Variants in ABR observed in about 807,000 individuals in gnomAD.
The protein encoded by ABR is active breakpoint cluster region-related protein.
ABR carries 35 observed loss-of-function variants against 107.2 expected under a neutral mutation model. The observed-to-expected ratio is 0.33, with a 90% confidence interval of 0.25 to 0.43. The LOEUF is 0.43. ABR is among the 20% of genes least tolerant of loss of function. The pLI is 1.00. For missense variants in ABR, 815 were observed against 1,115.2 expected, an observed-to-expected ratio of 0.73 and a Z score of 3.83; for synonymous variants, 498 against 462.0, an observed-to-expected ratio of 1.08 and a Z score of -1.00.
chr17:1,180,464 C>T (rs1282042408), upstream of ABR, among the ~76,000 whole-genome samples: 2 of 152,154 alleles, frequency 1.3e-5, no homozygotes, highest in African/African-American at 4.8e-5. Context: ...CTTTCCACAC[C>T]CCTGACCTCT....
chr17:1,072,523 G>A lies in ABR; in HGVS notation c.894+91C>T, dbSNP rs529661592. 8 of 1,050,186 alleles carry A rather than the reference G, an allele frequency of 7.6e-6. No homozygotes were observed. In the East Asian group the frequency reaches 8.5e-5, roughly 11 times the overall value. The allele number at this position is 1,050,186 out of a possible 1,614,324, so 65.1% of individuals were successfully genotyped here. A position where few individuals can be genotyped will look rare whatever the true frequency, so the allele number is the denominator to read the frequency against. ...CCGCCCGTGTGTGAGAGAAGGGGAC[G>A]AGGGACCTGCCGCCCGTGTGTGAGA... On this transcript the variant is annotated intron_variant, in intron 8 of 22. Transcript: ENST00000302538.
chr17:1,211,236 T>G (rs1408378740), intron 1 of ABR, among the ~76,000 whole-genome samples: 1 of 152,020 alleles, frequency 6.6e-6, no homozygotes, highest in East Asian at 1.9e-4. Context: ...CAGAAATCTC[T>G]CCACTTCTTT....
intron 1 of ABR, among the ~76,000 whole-genome samples, chr17:1,198,167 G>C (rs191737593): frequency 6.6e-6 from 1 of 151,664 alleles, no homozygotes; most frequent in East Asian, 1.9e-4. Context: ...CTGGGGCTGC[G>C]GGTTCTGTCT....
intron 16 of ABR, among the ~76,000 whole-genome samples, chr17:1,039,751 G>A (rs2029994806): frequency 1.3e-5 from 2 of 152,164 alleles, no homozygotes; most frequent in African/African-American, 4.8e-5. Flanking sequence ...TGGCGGCAGA[G>A]GGAAGAGCCC....
intron 2 of ABR, among the ~76,000 whole-genome samples, chr17:1,116,896 GC>G (rs773928096): frequency 5.1e-4 from 77 of 152,288 alleles, no homozygotes; most frequent in Middle Eastern, 3.4e-3. Flanking sequence ...CTGCTGGGGG[GC>G]GGAGGCTGAA....
intron 21 of ABR, among the ~76,000 whole-genome samples, chr17:1,008,550 G>T (rs2070246560): frequency 6.6e-6 from 1 of 152,350 alleles, no homozygotes; most frequent in African/African-American, 2.4e-5. Flanking sequence ...TCCCCACAAG[G>T]CTTGCCAAAT....
chr17:1,044,049 G>C (rs1023040878), intron 16 of ABR, among the ~76,000 whole-genome samples: 1 of 152,222 alleles, frequency 6.6e-6, no homozygotes, highest in Non-Finnish European at 1.5e-5. Context: ...CCGCCAAGAA[G>C]GGCCGGACCC....
chr17:1,196,734 G>A (rs551989207), intron 1 of ABR, among the ~76,000 whole-genome samples: 114 of 146,640 alleles, frequency 7.8e-4, no homozygotes, highest in Non-Finnish European at 1.3e-3. Context: ...TTGCTCTGTC[G>A]CCCAGGCTGG....
At chr17:1,103,274 C>G (rs1332681415) in intron 2 of ABR, among the ~76,000 whole-genome samples, 1 of 152,050 alleles carries the variant, frequency 6.6e-6, no homozygotes, top group Non-Finnish European at 1.5e-5. Flanking sequence ...GAGGCCTGCA[C>G]AGCCTCCAGC....
At chr17:1,054,695 CAGGGGATGGGGGCACAAGGAACCTG>C (rs1567662984) in intron 14 of ABR, among the ~76,000 whole-genome samples, 1 of 9,822 alleles carries the variant, frequency 1.0e-4, no homozygotes, top group Non-Finnish European at 2.1e-4. Context: ...CAAGGAACCT[CAGGGGATGGGGGCACAAGGAACCTG>C]AGGGGATGGG....
intron 1 of ABR, among the ~76,000 whole-genome samples, chr17:1,165,567 T>C (rs909483229): frequency 2.0e-5 from 3 of 152,226 alleles, no homozygotes; most frequent in African/African-American, 7.2e-5. Flanking sequence ...GTTGTGCTCT[T>C]GTTGCCCAGG....
At chr17:1,134,637 C>G (rs567964880) in intron 1 of ABR, among the ~76,000 whole-genome samples, 14 of 152,294 alleles carry the variant, frequency 9.2e-5, no homozygotes, top group African/African-American at 3.4e-4. Flanking sequence ...GCAATCAAAT[C>G]TCCGAGATGC....
chr17:1,065,012 C>T (rs12950727), intron 10 of ABR, among the ~76,000 whole-genome samples: 338 of 4,032 alleles, frequency 0.084, no homozygotes, highest in Middle Eastern at 0.5. Flanking sequence ...CTAGACACTG[C>T]TGTTACGTGA....
chr17:1,167,584 G>A (rs550623693), intron 1 of ABR, among the ~76,000 whole-genome samples: 5 of 152,310 alleles, frequency 3.3e-5, no homozygotes, highest in East Asian at 1.9e-4. Context: ...GGCATTGGGC[G>A]CTTCTGGCAA....
upstream of ABR, among the ~76,000 whole-genome samples, chr17:1,180,351 G>A (rs892175268): frequency 6.6e-6 from 1 of 152,156 alleles, no homozygotes; most frequent in Non-Finnish European, 1.5e-5. Context: ...GGGAGCGGCG[G>A]CCGGGCCCCT....
chr17:1,193,770 A>C (rs1317334590), intron 1 of ABR, among the ~76,000 whole-genome samples: 2 of 152,090 alleles, frequency 1.3e-5, no homozygotes, highest in Non-Finnish European at 2.9e-5. Context: ...GGCTCACTGC[A>C]TCCTCCGCCT....
chr17:1,208,413 G>A (rs2042836987), intron 1 of ABR, among the ~76,000 whole-genome samples: 1 of 152,176 alleles, frequency 6.6e-6, no homozygotes, highest in South Asian at 2.1e-4. Context: ...GTCTCGATCG[G>A]GTGATTCCCA....
At chr17:1,065,959 G>A (rs1377760985) in intron 10 of ABR, among the ~76,000 whole-genome samples, 2 of 152,080 alleles carry the variant, frequency 1.3e-5, no homozygotes, top group East Asian at 1.9e-4. Flanking sequence ...TGGCCAGGCT[G>A]GTCTCAAACT....
chr17:1,159,603 T>A (rs62069456), intron 1 of ABR, among the ~76,000 whole-genome samples: 61 of 11,068 alleles, frequency 5.5e-3, no homozygotes, highest in African/African-American at 8.6e-3. Flanking sequence ...CTCACACACA[T>A]GAGAAGTAAG....
Sources: allele counts gnomAD v4.1 joint callset (sites outside exome capture counted in the v4.1 genomes callset), GRCh38; gene constraint gnomAD v4.1.1; transcripts MANE v1.5; gene names NCBI Gene and HGNC (gene_info 2026-07-23, HGNC 2026-07-21).